CCDC134: variants seen among roughly 807,000 people sequenced by gnomAD.
CCDC134 encodes coiled-coil domain containing 134.
CCDC134 carries 27 observed loss-of-function variants against 25.6 expected under a neutral mutation model. The observed-to-expected ratio is 1.05, with a 90% CI of 0.78 to 1.45. CCDC134 has a LOEUF of 1.45. Among genes scored for constraint, CCDC134 ranks in the 40% most tolerant of loss-of-function variants. The probability of loss-of-function intolerance (pLI) is 0.00; values close to 1 mark genes in which losing one functional copy is unlikely to be tolerated. For missense variants in CCDC134, 261 were observed against 286.7 expected (o/e 0.91, Z 0.65); for synonymous variants, 110 against 115.0 (o/e 0.96, Z 0.28).
rs566838543 is a variant in CCDC134, at chr22:41,827,721, G to C, written c.*1898G>C. Among the ~76,000 whole-genome samples, 18 of 152,158 alleles carry C rather than the reference G, an allele frequency of 1.2e-4. No homozygotes were observed. The highest frequency in any genetic ancestry group is 8.8e-5 in the Non-Finnish European group (6 of 68,016). On this transcript the variant is annotated 3_prime_UTR_variant, in exon 7 of 7. Coordinates refer to ENST00000255784, the MANE Select transcript of CCDC134 (RefSeq NM_024821.5). Reference sequence around the variant, plus strand: ...CCTGTTATAGCTGAAGCGTGAATTGGCCTTATGTTCCCTGCCTCCAGACCC... The same window carrying C: ...CCTGTTATAGCTGAAGCGTGAATTGCCCTTATGTTCCCTGCCTCCAGACCC...
Position 41,829,041 on chromosome 22 carries a change from T to G in CCDC134, c.*3218T>G, listed in dbSNP as rs938447651. 6.6e-6 allele frequency among the ~76,000 whole-genome samples: 1 copy of G among 152,122 alleles called. No homozygotes were observed. Among genetic ancestry groups the G allele is most frequent in the African/African-American group, 2.4e-5 (1 of 41,426 alleles). ...TGTGAGTGTGAAGAGGGCTGTCCTG[T>G]GTGTTGTAGGCTATTTTAGCAGCAT... On this transcript the variant is annotated 3_prime_UTR_variant, in exon 7 of 7. Transcript: ENST00000255784.
chr22:41,824,258 T>C (rs1468678461), intron 6 of CCDC134, among the ~76,000 whole-genome samples: 1 of 151,790 alleles, frequency 6.6e-6, no homozygotes, highest in African/African-American at 2.4e-5. Flanking sequence ...GGGGTGGGTG[T>C]TGGAAAGAGC....
intron 6 of CCDC134, among the ~76,000 whole-genome samples, chr22:41,819,118 C>T (rs1248151938): frequency 6.6e-6 from 1 of 152,214 alleles, no homozygotes; most frequent in African/African-American, 2.4e-5. Flanking sequence ...GGACTTGTCT[C>T]TCGCAGGAGC....
intron 6 of CCDC134, among the ~76,000 whole-genome samples, chr22:41,818,408 G>A (rs1602242802): frequency 1.3e-5 from 2 of 152,302 alleles, no homozygotes; most frequent in African/African-American, 2.4e-5. Flanking sequence ...TAGGCACAGC[G>A]AACCACAGTT....
intron 6 of CCDC134, among the ~76,000 whole-genome samples, chr22:41,817,899 C>G (rs2076630628): frequency 6.6e-6 from 1 of 152,096 alleles, no homozygotes; most frequent in Admixed American, 6.6e-5. Flanking sequence ...AGGGTGATAC[C>G]TTTTAATTCA....
At chr22:41,813,214 G>C (rs1209564878) in intron 4 of CCDC134, 50 bp from the exon 5 acceptor site, 7 of 1,592,822 alleles carry the variant, frequency 4.4e-6, no homozygotes, top group Non-Finnish European at 6.0e-6. Flanking sequence ...GGCCAGTGAG[G>C]CAGCCAGGAG....
At chr22:41,805,580 T>C (rs536562896) in intron 1 of CCDC134, among the ~76,000 whole-genome samples, 3 of 152,184 alleles carry the variant, frequency 2.0e-5, no homozygotes, top group Non-Finnish European at 4.4e-5. Flanking sequence ...AGAAAAAGTT[T>C]CCTTAAATTT....
intron 6 of CCDC134, among the ~76,000 whole-genome samples, chr22:41,815,755 C>CCACCT (rs1204334327): frequency 6.6e-6 from 1 of 152,112 alleles, no homozygotes; most frequent in African/African-American, 2.4e-5. Flanking sequence ...AACAGACCTC[C>CCACCT]CACCTCAGCC....
rs1244991104 is a variant in CCDC134, at chr22:41,829,360, G to A, written c.*3537G>A. On this transcript the variant is annotated 3_prime_UTR_variant, in exon 7 of 7. Transcript: ENST00000255784. Reference sequence around the variant, plus strand: ...CCTCACCTGCCCCCGTTTGCATGAAGTTTTTTATGGAGCTGTTTCTATTTT... The same window carrying A: ...CCTCACCTGCCCCCGTTTGCATGAAATTTTTTATGGAGCTGTTTCTATTTT... Among the ~76,000 whole-genome samples, 2 of 152,176 alleles carry A rather than the reference G, an allele frequency of 1.3e-5. No homozygotes were observed. The highest frequency in any genetic ancestry group is 2.9e-5 in the Non-Finnish European group (2 of 68,016).
At position 41,831,864 on chromosome 22, in the gene CCDC134, G is replaced by T. The variant is rs2076713518; in HGVS notation, c.*6041G>T. On this transcript the variant is annotated 3_prime_UTR_variant, in exon 7 of 7. Coordinates refer to ENST00000255784, the MANE Select transcript of CCDC134 (RefSeq NM_024821.5). ...AGGAACCATTTGTTTCCCTGCCACA[G>T]AGATGTTCAATAAATATTGTCAATT... 1 of 152,084 alleles carries T rather than the reference G, an allele frequency of 6.6e-6. No individual in the cohort carries two copies. The highest frequency in any genetic ancestry group is 2.1e-4 in the South Asian group (1 of 4,836). The allele number at this position is 152,084 out of a possible 1,614,324, so 9.4% of individuals were successfully genotyped here. A position where few individuals can be genotyped will look rare whatever the true frequency, so the allele number is the denominator to read the frequency against.
Position 41,809,919 on chromosome 22 carries a change from G to C in CCDC134, c.144G>C (p.Leu48Phe). The C allele has an allele frequency of 6.2e-7, 1 of 1,614,108 alleles. No individual in the cohort carries two copies. Among genetic ancestry groups the C allele is most frequent in the Non-Finnish European group, 8.5e-7 (1 of 1,180,026 alleles). ...MFEVKRREQL[L>F]ALKNLAQLND... is the part of the protein sequence containing the mutation. ...AGGTGAAGCGGCGGGAGCAGCTGTTGGCACTGAAGAACCTGGCACAGCTGA... is the reference window on the plus strand; with the variant it reads ...AGGTGAAGCGGCGGGAGCAGCTGTTCGCACTGAAGAACCTGGCACAGCTGA... Residue 48 changes from leucine (L) to phenylalanine (F), a missense_variant, in exon 3 of 7, where the codon TTG becomes TTC. Physicochemically the swap from Leu to Phe is conservative, Grantham distance 22. Transcript: ENST00000255784.
In CCDC134 at chr22:41,813,811, G is replaced by C. The variant is rs777145752; in HGVS notation, c.553G>C (p.Asp185His). Residue 185 changes from aspartate to histidine, a missense_variant, in exon 6 of 7, where the codon GAC becomes CAC. Transcript: ENST00000255784. ...CAACTTCCAGAACCCATTTAAAATC[G>C]ACCGCACAGAGGTGAGCTGCCAGGG... is the stretch of plus-strand genomic sequence containing the variant. Reference protein sequence around the residue: ...DSNFQNPFKIDRTEFIPSTDP... With the variant: ...DSNFQNPFKIHRTEFIPSTDP... The C allele has an allele frequency of 1.9e-6, 3 of 1,613,956 alleles. No individual in the cohort carries two copies. The highest frequency in any genetic ancestry group is 4.5e-5 in the East Asian group (2 of 44,894).
intron 5 of CCDC134, 46 bp from the exon 6 acceptor site, chr22:41,813,705 G>T: frequency 6.4e-7 from 1 of 1,571,934 alleles, no homozygotes; most frequent in South Asian, 1.1e-5. Context: ...CTGGTGAGCA[G>T]GACTCAGGAG....
At chr22:41,814,397 C>A (rs2076612726) in intron 6 of CCDC134, among the ~76,000 whole-genome samples, 1 of 152,104 alleles carries the variant, frequency 6.6e-6, no homozygotes, top group African/African-American at 2.4e-5. Flanking sequence ...GAAACTCTGT[C>A]TTTACTAAAA....
Position 41,813,782 on chromosome 22 carries a change from A to G in CCDC134, c.524A>G (p.Asp175Gly), listed in dbSNP as rs151203017. 1.2e-6 allele frequency: 2 copies of G among 1,613,860 alleles called. No homozygotes were observed. The highest frequency in any genetic ancestry group is 2.7e-5 in the African/African-American group (2 of 74,848). Residue 175 changes from aspartate (D) to glycine (G), a missense_variant, in exon 6 of 7, where the codon GAC becomes GGC. Asp to Gly is a moderately conservative substitution (Grantham distance 94). Transcript: ENST00000255784. Reference sequence around the variant, plus strand: ...CAGGAGCTGGGGATCAGTGAGAAAGACTCCAACTTCCAGAACCCATTTAAA... The same window carrying G: ...CAGGAGCTGGGGATCAGTGAGAAAGGCTCCAACTTCCAGAACCCATTTAAA... ...MAQELGISEK[D>G]SNFQNPFKID...
Position 41,825,920 on chromosome 22 carries a change from C to T in CCDC134, c.*97C>T. On this transcript the variant is annotated 3_prime_UTR_variant, in exon 7 of 7. Coordinates refer to ENST00000255784, the MANE Select transcript of CCDC134 (RefSeq NM_024821.5). The surrounding 1 kb of genome is among the most constrained non-coding windows in gnomAD (Gnocchi z 4.4). ...TGTGGTGGAGAGCACCAGCTAGCCC[C>T]TTCCAGAAGGGGAGGCCACATTTGC... is the stretch of plus-strand genomic sequence containing the variant. The T allele has an allele frequency of 6.6e-7, 1 of 1,522,482 alleles. No homozygotes were observed. The highest frequency in any genetic ancestry group is 2.3e-5 in the East Asian group (1 of 43,650). 94.3% of individuals were successfully genotyped at this position (1,522,482 alleles called of 1,614,324 possible).
At chr22:41,816,669 G>A (rs1393134292) in intron 6 of CCDC134, among the ~76,000 whole-genome samples, 1 of 152,306 alleles carries the variant, frequency 6.6e-6, no homozygotes, top group East Asian at 1.9e-4. Context: ...TAAAATCCAT[G>A]TGTCCTTGGG....
chr22:41,819,310 G>A (rs1350726766), intron 6 of CCDC134, among the ~76,000 whole-genome samples: 1 of 152,200 alleles, frequency 6.6e-6, no homozygotes, highest in Non-Finnish European at 1.5e-5. Context: ...GATGGGGAAG[G>A]CAGCAGGGAA....
chr22:41,814,288 G>A (rs748632712), intron 6 of CCDC134, among the ~76,000 whole-genome samples: 1 of 152,126 alleles, frequency 6.6e-6, no homozygotes. Context: ...AGGACAGGCC[G>A]GGCACGGTGG....
Sources: gnomAD v4.1 joint callset for allele counts (sites outside exome capture counted in the v4.1 genomes callset) on GRCh38, gnomAD v4.1.1 for gene constraint, Gnocchi (gnomAD v3.1) non-coding constraint, MANE v1.5 for transcripts, NCBI Gene and HGNC (gene_info 2026-07-23, HGNC 2026-07-21) for gene names.